DTD1: variants seen among roughly 807,000 people sequenced by gnomAD.
DTD1 encodes D-aminoacyl-tRNA deacylase 1.
A neutral mutation model predicts 25.6 loss-of-function variants in DTD1; 13 were observed. That is an observed-to-expected ratio of 0.51 (90% CI 0.33 to 0.81). The LOEUF is 0.81. Ranked by LOEUF, DTD1 falls within the 30% of genes least tolerant of loss-of-function variation. The probability of loss-of-function intolerance (pLI) is 0.02; values close to 1 mark genes in which losing one functional copy is unlikely to be tolerated. For synonymous variants in DTD1, 110 were observed against 103.6 expected, an observed-to-expected ratio of 1.06 and a Z score of -0.37; for missense variants, 193 against 266.4, an observed-to-expected ratio of 0.72 and a Z score of 1.92.
chr20:18,631,537 C>G (rs1474471214), intron 4 of DTD1: 4 of 985,352 alleles, frequency 4.1e-6, no homozygotes, highest in Non-Finnish European at 4.8e-6. Flanking sequence ...GCTTCCATTT[C>G]CTCCCTTCTG....
intron 4 of DTD1, chr20:18,691,936 T>A (rs1380633163): frequency 6.6e-6 from 1 of 152,034 alleles, no homozygotes; most frequent in East Asian, 1.9e-4. Context: ...CTGGTCAGCA[T>A]AAAGCCAGTT....
chr20:18,613,939 G>A (rs1405294379), intron 3 of DTD1, among the ~76,000 whole-genome samples: 2 of 152,026 alleles, frequency 1.3e-5, no homozygotes, highest in East Asian at 3.9e-4. Flanking sequence ...TATTTAAATT[G>A]GAAACACCCC....
At chr20:18,635,500 C>T (rs574851096) in intron 4 of DTD1, among the ~76,000 whole-genome samples, 1 of 152,324 alleles carries the variant, frequency 6.6e-6, no homozygotes, top group East Asian at 1.9e-4. Context: ...GAGATCAGCT[C>T]AGCCCTCTGG....
chr20:18,727,862 G>A (rs941555371), intron 4 of DTD1, among the ~76,000 whole-genome samples: 10 of 152,260 alleles, frequency 6.6e-5, no homozygotes, highest in African/African-American at 2.2e-4. Context: ...CTTCCATCAT[G>A]TGGATATAGC....
chr20:18,680,499 C>G (rs1359342800), intron 4 of DTD1, among the ~76,000 whole-genome samples: 2 of 151,394 alleles, frequency 1.3e-5, no homozygotes, highest in East Asian at 3.9e-4. Flanking sequence ...ATCTGGGCCT[C>G]CCAATGTGTT....
chr20:18,642,770 AG>A (rs1466749469), intron 4 of DTD1: 1 of 157,410 alleles, frequency 6.4e-6, no homozygotes, highest in East Asian at 1.8e-4. Flanking sequence ...TGTACCTTGA[AG>A]TCCCTCAGAG....
chr20:18,647,095 A>C (rs1473662012), intron 4 of DTD1, among the ~76,000 whole-genome samples: 1 of 152,240 alleles, frequency 6.6e-6, no homozygotes, highest in Non-Finnish European at 1.5e-5. Flanking sequence ...GTATTTCAGA[A>C]ATAACAAATG....
intron 4 of DTD1, among the ~76,000 whole-genome samples, chr20:18,732,469 AAGGGTACACACACCAGG>A (rs1244459088): frequency 6.6e-6 from 1 of 152,214 alleles, no homozygotes; most frequent in Non-Finnish European, 1.5e-5. Flanking sequence ...ACAAAATGGT[AAGGGTACACACACCAGG>A]AGTACATGGG....
intron 4 of DTD1, among the ~76,000 whole-genome samples, chr20:18,733,745 A>G (rs2061246679): frequency 6.6e-6 from 1 of 152,240 alleles, no homozygotes; most frequent in Non-Finnish European, 1.5e-5. Flanking sequence ...ATGATTTCAG[A>G]TGGGGACAGA....
At chr20:18,629,935 A>AT (rs1221387760) in intron 4 of DTD1, among the ~76,000 whole-genome samples, 4 of 152,048 alleles carry the variant, frequency 2.6e-5, no homozygotes, top group Non-Finnish European at 4.4e-5. Flanking sequence ...GTCTACCCCC[A>AT]TGATCCAGTC....
intron 3 of DTD1, among the ~76,000 whole-genome samples, chr20:18,622,320 T>A (rs1269792134): frequency 6.6e-6 from 1 of 152,078 alleles, no homozygotes; most frequent in African/African-American, 2.4e-5. Flanking sequence ...ACTTATGACA[T>A]CTTTTTAAAT....
At chr20:18,673,995 A>C (rs752452511) in intron 4 of DTD1, among the ~76,000 whole-genome samples, 3 of 152,178 alleles carry the variant, frequency 2.0e-5, no homozygotes, top group Non-Finnish European at 4.4e-5. Context: ...ACCTTTTCTT[A>C]AATGACCAAA....
At chr20:18,616,534 T>TC (rs1347956943) in intron 3 of DTD1, among the ~76,000 whole-genome samples, 1 of 151,670 alleles carries the variant, frequency 6.6e-6, no homozygotes, top group Non-Finnish European at 1.5e-5. Flanking sequence ...ACACCTATAA[T>TC]CCCAGCACTT....
At chr20:18,760,095 T>C (rs935737833) in intron 5 of DTD1, among the ~76,000 whole-genome samples, 2 of 152,242 alleles carry the variant, frequency 1.3e-5, no homozygotes, top group East Asian at 3.9e-4. Context: ...TCAGGTCCTT[T>C]AAGGACTTCT....
chr20:18,624,994 G>A (rs569270430), intron 3 of DTD1, among the ~76,000 whole-genome samples: 1 of 152,332 alleles, frequency 6.6e-6, no homozygotes, highest in African/African-American at 2.4e-5. Context: ...CTTTTCCATA[G>A]TTAGGTATTT....
rs747973912 is a variant in DTD1 at position 18,596,253 on chromosome 20, A to G, written c.370+12A>G. ...GGAGCTTATCAAAGGTAAGCAGGAG[A>G]GCCACATCCAGGAACGGGTCTTTGG... On this transcript the variant is annotated intron_variant, in intron 3 of 5. Transcript: ENST00000377452. 1 of 1,610,130 alleles carries G rather than the reference A, an allele frequency of 6.2e-7. No homozygotes were observed. Among genetic ancestry groups the G allele is most frequent in the South Asian group, 1.1e-5 (1 of 90,850 alleles).
chr20:18,744,726 A>G (rs1014944926), intron 5 of DTD1, among the ~76,000 whole-genome samples: 7 of 151,760 alleles, frequency 4.6e-5, no homozygotes, highest in Admixed American at 1.3e-4. Context: ...AGAGAACAGT[A>G]TGGGGGAAAC....
chr20:18,630,983 A>G, intron 4 of DTD1: 1 of 831,284 alleles, frequency 1.2e-6, no homozygotes, highest in South Asian at 5.5e-5. Context: ...TACCTGTGAT[A>G]CCAGCCTTAT....
Position 18,764,415 on chromosome 20 carries a change from A to G in DTD1, c.*1075A>G, listed in dbSNP as rs2061373942. On this transcript the variant is annotated 3_prime_UTR_variant, in exon 6 of 6. Transcript: ENST00000377452. ...GTCATTTTTTGACATATGATTTAATAGCTTTATTTATATATCTAATAACGC... is the reference window on the plus strand; with the variant it reads ...GTCATTTTTTGACATATGATTTAATGGCTTTATTTATATATCTAATAACGC... 6.6e-6 allele frequency: 1 copy of G among 152,240 alleles called. No homozygotes were observed. Among genetic ancestry groups the G allele is most frequent in the African/African-American group, 2.4e-5 (1 of 41,464 alleles). 9.4% of individuals were successfully genotyped at this position (152,240 alleles called of 1,614,324 possible). A position where few individuals can be genotyped will look rare whatever the true frequency, so the allele number is the denominator to read the frequency against.
Sources: gnomAD v4.1 joint callset for allele counts (sites outside exome capture counted in the v4.1 genomes callset) on GRCh38, gnomAD v4.1.1 for gene constraint, MANE v1.5 for transcripts, NCBI Gene and HGNC (gene_info 2026-07-23, HGNC 2026-07-21) for gene names.